AKT3: variants seen among roughly 807,000 people sequenced by gnomAD.
AKT3 encodes AKT serine/threonine kinase 3.
Under a neutral mutation model 65.3 loss-of-function variants are expected in AKT3, and 15 were observed. The observed-to-expected ratio is 0.23, with a 90% CI of 0.15 to 0.35. AKT3 has a LOEUF of 0.35. Ranked by LOEUF, AKT3 falls within the 10% of genes least tolerant of loss-of-function variation. The pLI is 1.00. For synonymous variants in AKT3, 206 were observed against 183.8 expected, an observed-to-expected ratio of 1.12 and a Z score of -0.98; for missense variants, 243 against 576.5, an observed-to-expected ratio of 0.42 and a Z score of 5.92.
chr1:243,673,604 T>G (rs1008450744), intron 3 of AKT3, among the ~76,000 whole-genome samples: 1 of 146,130 alleles, frequency 6.8e-6, no homozygotes, highest in African/African-American at 2.5e-5. Context: ...TGAAAAATAA[T>G]TATGAGATTT....
chr1:243,697,939 C>T (rs1289478597), intron 2 of AKT3, among the ~76,000 whole-genome samples: 3 of 150,798 alleles, frequency 2.0e-5, no homozygotes, highest in Non-Finnish European at 4.4e-5. Context: ...GTATCCTCCA[C>T]ATAAGTATGT....
chr1:243,672,718 T>C (rs1211421033), intron 3 of AKT3, among the ~76,000 whole-genome samples: 1 of 152,246 alleles, frequency 6.6e-6, no homozygotes, highest in Non-Finnish European at 1.5e-5. Flanking sequence ...GAACTTCTCC[T>C]AACACATTTT....
chr1:243,838,704 T>C (rs1350660658), intron 2 of AKT3, among the ~76,000 whole-genome samples: 2 of 152,198 alleles, frequency 1.3e-5, no homozygotes, highest in African/African-American at 2.4e-5. Flanking sequence ...AGACAACTCA[T>C]AGACACAAAA....
intron 6 of AKT3, among the ~76,000 whole-genome samples, chr1:243,623,173 T>C (rs117169279): frequency 2.0e-5 from 3 of 152,206 alleles, no homozygotes; most frequent in Non-Finnish European, 4.4e-5. Flanking sequence ...GCATGATTAA[T>C]ACTTCGTGCC....
upstream of AKT3, among the ~76,000 whole-genome samples, chr1:243,850,547 T>C (rs942357501): frequency 6.8e-6 from 1 of 146,518 alleles, no homozygotes; most frequent in Non-Finnish European, 1.5e-5. Flanking sequence ...CCCCGCCGCC[T>C]CCCCGCCCCC....
intron 3 of AKT3, among the ~76,000 whole-genome samples, chr1:243,678,332 A>G (rs935258226): frequency 6.6e-6 from 1 of 152,136 alleles, no homozygotes; most frequent in Non-Finnish European, 1.5e-5. Flanking sequence ...AAAACAATAA[A>G]AACACTTCAT....
chr1:243,756,491 G>A (rs1466601220), intron 2 of AKT3, among the ~76,000 whole-genome samples: 2 of 152,094 alleles, frequency 1.3e-5, no homozygotes, highest in Non-Finnish European at 2.9e-5. Context: ...AGACAATCTG[G>A]ATATCAAAAT....
At chr1:243,833,017 T>C (rs1260776321) in intron 2 of AKT3, among the ~76,000 whole-genome samples, 2 of 152,066 alleles carry the variant, frequency 1.3e-5, no homozygotes, top group Non-Finnish European at 2.9e-5. Context: ...TCCAGCACTT[T>C]GGGAGGCTGA....
chr1:243,621,582 C>T (rs1678755884), intron 6 of AKT3, among the ~76,000 whole-genome samples: 1 of 152,176 alleles, frequency 6.6e-6, no homozygotes, highest in African/African-American at 2.4e-5. Flanking sequence ...ATTTATACCT[C>T]AAATCTAGAC....
chr1:243,755,995 A>T (rs1016803279), intron 2 of AKT3, among the ~76,000 whole-genome samples: 1 of 152,232 alleles, frequency 6.6e-6, no homozygotes. Context: ...AGCATGATTG[A>T]GAGATTGGTT....
At chr1:243,839,294 T>C (rs901132175) in intron 2 of AKT3, among the ~76,000 whole-genome samples, 1 of 152,182 alleles carries the variant, frequency 6.6e-6, no homozygotes, top group African/African-American at 2.4e-5. Context: ...AAATCCAATT[T>C]AGAGATTTAG....
chr1:243,705,307 C>G (rs1273844577), intron 2 of AKT3, among the ~76,000 whole-genome samples: 1 of 152,034 alleles, frequency 6.6e-6, no homozygotes, highest in Non-Finnish European at 1.5e-5. Flanking sequence ...CATTGAATAC[C>G]AACCACAAGA....
chr1:243,681,133 G>A (rs1434280525), intron 3 of AKT3, among the ~76,000 whole-genome samples: 1 of 152,034 alleles, frequency 6.6e-6, no homozygotes, highest in Non-Finnish European at 1.5e-5. Flanking sequence ...CTTGCCACTG[G>A]GAAATTCCAT....
At chr1:243,645,530 C>T (rs1015071728) in intron 5 of AKT3, among the ~76,000 whole-genome samples, 11 of 151,986 alleles carry the variant, frequency 7.2e-5, no homozygotes, top group South Asian at 2.1e-4. Flanking sequence ...TCGTGCTTTT[C>T]GGGAGAATAC....
rs990201322 is a variant in AKT3 at position 243,763,814 on chromosome 1, T to C, written c.47-68098A>G. Among the ~76,000 whole-genome samples, 12 of 152,290 alleles carry C rather than the reference T, an allele frequency of 7.9e-5. No individual in the cohort carries two copies. The Middle Eastern group carries it at 0.01, about 129-fold the overall frequency. On this transcript the variant is annotated intron_variant, in intron 2 of 13. Coordinates refer to ENST00000673466, the MANE Select transcript of AKT3 (RefSeq NM_005465.7). ...GCTTACTAATTTTAGAATTTAAATA[T>C]CATATTTCCTTTAAGGTTTAAAACT...
At chr1:243,810,720 C>CA (rs926079074) in intron 2 of AKT3, among the ~76,000 whole-genome samples, 5 of 151,560 alleles carry the variant, frequency 3.3e-5, no homozygotes, top group Non-Finnish European at 5.9e-5. Flanking sequence ...AGAGACACAA[C>CA]AAAAAAAAGA....
intron 8 of AKT3, among the ~76,000 whole-genome samples, chr1:243,579,609 T>A (rs1021962288): frequency 1.3e-5 from 2 of 152,112 alleles, no homozygotes; most frequent in Non-Finnish European, 2.9e-5. Context: ...TTTAAAAAAA[T>A]GGATGAGGTG....
intron 2 of AKT3, among the ~76,000 whole-genome samples, chr1:243,832,686 G>A (rs1278491060): frequency 6.6e-6 from 1 of 152,102 alleles, no homozygotes; most frequent in African/African-American, 2.4e-5. Context: ...GAGTGGAATG[G>A]CTAGAACTCA....
downstream of AKT3, among the ~76,000 whole-genome samples, chr1:243,497,717 G>T (rs1297571783): frequency 6.6e-6 from 1 of 152,192 alleles, no homozygotes; most frequent in African/African-American, 2.4e-5. Context: ...ATTCTGTATT[G>T]TGTGTACGTG....
Sources: gnomAD v4.1 joint callset for allele counts (sites outside exome capture counted in the v4.1 genomes callset) on GRCh38, gnomAD v4.1.1 for gene constraint, MANE v1.5 for transcripts, NCBI Gene and HGNC (gene_info 2026-07-23, HGNC 2026-07-21) for gene names.